RAB36: variants seen among roughly 807,000 people sequenced by gnomAD.
RAB36 encodes the protein RAB36, member RAS oncogene family, also known as ras-related protein Rab-36.
Under a neutral mutation model 39.3 loss-of-function variants are expected in RAB36, and 33 were observed. The ratio of observed to expected loss-of-function variants is 0.84; its 90% CI spans 0.64 to 1.12. The LOEUF (loss-of-function observed/expected upper bound fraction) is 1.12. Ranked by LOEUF, RAB36 falls within the 50% of genes most tolerant of loss-of-function variation. The pLI, the probability that RAB36 is intolerant of heterozygous loss-of-function variation, is 0.00. For synonymous variants in RAB36, 133 were observed against 140.2 expected (o/e 0.95, Z 0.36); for missense variants, 308 against 355.3 (o/e 0.87, Z 1.07).
intron 9 of RAB36, 50 bp downstream of exon 9, chr22:23,159,303 G>A: frequency 1.3e-6 from 2 of 1,514,822 alleles, no homozygotes; most frequent in Non-Finnish European, 1.8e-6. Flanking sequence ...CTGCTCTTGG[G>A]CCAGTCCTGT....
downstream of RAB36, among the ~76,000 whole-genome samples, chr22:23,165,892 A>G (rs2072037436): frequency 2.0e-5 from 3 of 152,176 alleles, no homozygotes; most frequent in Admixed American, 6.5e-5. Context: ...CATGCCTGTA[A>G]TCCCAGCACT....
At chr22:23,168,638 TG>T (rs2072089763), downstream of RAB36, among the ~76,000 whole-genome samples, 2 of 152,176 alleles carry the variant, frequency 1.3e-5, no homozygotes, top group South Asian at 4.1e-4. Context: ...AGGAAACTGA[TG>T]AGCAGCCAGG....
chr22:23,157,580 C>T (rs1191788607), intron 6 of RAB36, among the ~76,000 whole-genome samples: 1 of 152,208 alleles, frequency 6.6e-6, no homozygotes, highest in Non-Finnish European at 1.5e-5. Context: ...TTTAAAACAG[C>T]TGCTCTTGTT....
At chr22:23,156,815 C>T (rs1344218293) in intron 6 of RAB36, among the ~76,000 whole-genome samples, 1 of 152,222 alleles carries the variant, frequency 6.6e-6, no homozygotes, top group South Asian at 2.1e-4. Flanking sequence ...CCTCTTCGGG[C>T]CTCTCCTTGA....
chr22:23,153,002 A>AC (rs2071247947), intron 4 of RAB36, 31 bp from the exon 5 acceptor site: 2 of 1,495,986 alleles, frequency 1.3e-6, no homozygotes, highest in South Asian at 2.3e-5. Context: ...CTGTGAGTAC[A>AC]CCCCTGTGAC....
rs2071864971 is a variant in RAB36, at chr22:23,162,571, T to C, written c.*1007T>C. The C allele has an allele frequency of 2.2e-6, 1 of 450,170 alleles. No homozygotes were observed. Among genetic ancestry groups the C allele is most frequent in the South Asian group, 1.6e-5 (1 of 64,162 alleles). 27.9% of individuals were successfully genotyped at this position (450,170 alleles called of 1,614,324 possible). A position where few individuals can be genotyped will look rare whatever the true frequency, so the allele number is the denominator to read the frequency against. ...TGTCTCCAACACCGCCTCCTGCACA[T>C]GCAGAGCAGACAGAAATACCCCACA... On this transcript the variant is annotated 3_prime_UTR_variant, in exon 11 of 11. Coordinates refer to ENST00000263116, the MANE Select transcript of RAB36 (RefSeq NM_004914.5).
At chr22:23,156,355 G>C (rs942638296) in intron 6 of RAB36, 4 of 260,010 alleles carry the variant, frequency 1.5e-5, no homozygotes, top group Admixed American at 5.1e-5. Context: ...TGGACTCCAG[G>C]GGGAGGTCGG....
intron 5 of RAB36, chr22:23,153,642 A>C (rs2071289756): frequency 1.0e-6 from 1 of 975,132 alleles, no homozygotes; most frequent in South Asian, 4.8e-5. Context: ...TCCTCCTCAC[A>C]CTGCAGCCTT....
rs955550381 is a variant in RAB36, at chr22:23,150,124, C to A, written c.131C>A (p.Ala44Asp). The change falls in exon 3 of 11, where the codon GCC becomes GAC. Residue 44 changes from alanine (A) to aspartate (D), a missense_variant. Coordinates refer to ENST00000263116, the MANE Select transcript of RAB36 (RefSeq NM_004914.5). Reference protein sequence around the residue: ...REHFHGQVSAACQRRNTGTVG... With the variant: ...REHFHGQVSADCQRRNTGTVG... ...CACTTCCACGGGCAGGTCAGCGCTG[C>A]CTGCCAACGCAGGAACACGGGGACT... 6.2e-7 allele frequency: 1 copy of A among 1,612,550 alleles called. No homozygotes were observed.
chr22:23,161,108 C>A, intron 10 of RAB36, 110 bp downstream of exon 10: 1 of 1,353,330 alleles, frequency 7.4e-7, no homozygotes, highest in Non-Finnish European at 1.0e-6. Flanking sequence ...TTGTGGCCCT[C>A]TCCTGTCCTT....
rs2071546107 is a variant in RAB36 at position 23,157,846 on chromosome 22, C to T, written c.395-146C>T. 8 of 1,533,576 alleles carry T rather than the reference C, an allele frequency of 5.2e-6. No homozygotes were observed. In the South Asian group the frequency reaches 8.9e-5, roughly 17 times the overall value. 95.0% of individuals were successfully genotyped at this position (1,533,576 alleles called of 1,614,324 possible). On this transcript the variant is annotated intron_variant, in intron 6 of 10. Coordinates refer to ENST00000263116, the MANE Select transcript of RAB36 (RefSeq NM_004914.5). ...GGACAGCCATGGGGTGTTTCCTCCT[C>T]AGCCTTCATTGTAGGAGGTTCCGGT...
chr22:23,155,561 G>A (rs1393609175), intron 5 of RAB36, among the ~76,000 whole-genome samples: 1 of 152,234 alleles, frequency 6.6e-6, no homozygotes, highest in East Asian at 1.9e-4. Flanking sequence ...AAGTGGCAGA[G>A]CCACTGCTGG....
intron 7 of RAB36, 101 bp downstream of exon 7, chr22:23,158,144 TGTGA>T: frequency 6.4e-7 from 1 of 1,552,352 alleles, no homozygotes; most frequent in Non-Finnish European, 8.7e-7. Context: ...CCGTGGTGGG[TGTGA>T]GTGACCAGGG....
intron 3 of RAB36, among the ~76,000 whole-genome samples, chr22:23,151,183 A>C (rs1204438682): frequency 6.6e-6 from 1 of 152,186 alleles, no homozygotes; most frequent in Non-Finnish European, 1.5e-5. Context: ...CTGAGATCAG[A>C]ATAGCCGAAG....
chr22:23,157,405 C>T (rs185049196), intron 6 of RAB36, among the ~76,000 whole-genome samples: 1 of 152,208 alleles, frequency 6.6e-6, no homozygotes, highest in African/African-American at 2.4e-5. Context: ...TGCCGGCTAC[C>T]ACACCCAGCT....
At position 23,146,649 on chromosome 22, in the gene RAB36, T is replaced by C. The variant is rs747218119; in HGVS notation, c.33T>C (p.Pro11=). The change falls in exon 2 of 11, where the codon CCT becomes CCC. Residue 11 remains proline (P), a synonymous_variant. Transcript: ENST00000263116. MRSSLTPLGP[P]VSRDRVIASF... is the part of the protein sequence containing the mutation. ...CCTCCCTGACACCTTTGGGGCCCCC[T>C]GTGAGCCGCGACCGTGTCATCGCCA... 1 of 1,613,930 alleles carries C rather than the reference T, an allele frequency of 6.2e-7. No individual in the cohort carries two copies. The highest frequency in any genetic ancestry group is 1.7e-5 in the Admixed American group (1 of 59,992).
intron 2 of RAB36, among the ~76,000 whole-genome samples, chr22:23,148,033 G>A (rs2070896858): frequency 6.6e-6 from 1 of 152,148 alleles, no homozygotes; most frequent in African/African-American, 2.4e-5. Context: ...TCGGACAGGT[G>A]CAGAGGGATA....
chr22:23,159,134 G>C, intron 8 of RAB36, 29 bp from the exon 9 acceptor site: 1 of 1,607,608 alleles, frequency 6.2e-7, no homozygotes, highest in Non-Finnish European at 8.5e-7. Context: ...GAGCCGGGAC[G>C]CTGGGTCAAC....
At chr22:23,161,123 CCTCCT>C (rs1314002679) in intron 10 of RAB36, 125 bp downstream of exon 10, 20 of 1,241,214 alleles carry the variant, frequency 1.6e-5, no homozygotes, top group Non-Finnish European at 2.2e-5. Flanking sequence ...GTCCTTTGAC[CCTCCT>C]CTCAGGGTGT....
Sources: allele counts gnomAD v4.1 joint callset (sites outside exome capture counted in the v4.1 genomes callset), GRCh38; gene constraint gnomAD v4.1.1; transcripts MANE v1.5; gene names NCBI Gene and HGNC (gene_info 2026-07-23, HGNC 2026-07-21).